Variants in ARHGEF3 observed in about 807,000 individuals in gnomAD.
ARHGEF3 encodes Rho guanine nucleotide exchange factor 3.
In ARHGEF3, 28 loss-of-function variants were observed where a neutral mutation model predicts 63.2. The ratio of observed to expected loss-of-function variants is 0.44; its 90% CI spans 0.33 to 0.61. ARHGEF3 has a LOEUF of 0.61. Among genes scored for constraint, ARHGEF3 ranks in the 20% least tolerant of loss-of-function variants. The pLI, the probability that ARHGEF3 is intolerant of heterozygous loss-of-function variation, is 0.03. For synonymous variants in ARHGEF3, 266 were observed against 254.2 expected (o/e 1.05, Z -0.44); for missense variants, 533 against 659.3 (o/e 0.81, Z 2.10).
At chr3:56,995,926 C>T (rs1373049867) in intron 2 of ARHGEF3, among the ~76,000 whole-genome samples, 3 of 152,086 alleles carry the variant, frequency 2.0e-5, no homozygotes, top group Admixed American at 2.0e-4. Flanking sequence ...TCCCATCAAC[C>T]ATTAACTCCC....
At chr3:56,851,139 C>A (rs1184972934) in intron 4 of ARHGEF3, among the ~76,000 whole-genome samples, 1 of 152,126 alleles carries the variant, frequency 6.6e-6, no homozygotes, top group Non-Finnish European at 1.5e-5. Flanking sequence ...CTCACTTCCT[C>A]TGTGCCTGCA....
intron 7 of ARHGEF3, 151 bp from the exon 8 acceptor site, chr3:56,737,506 A>AC (rs2033711232): frequency 3.4e-6 from 2 of 585,150 alleles, no homozygotes; most frequent in Admixed American, 3.1e-5. Flanking sequence ...AAAAAAAAAA[A>AC]ACATAAATAC....
chr3:57,008,301 C>T (rs1211079616), intron 2 of ARHGEF3, among the ~76,000 whole-genome samples: 2 of 152,124 alleles, frequency 1.3e-5, no homozygotes, highest in Admixed American at 6.5e-5. Context: ...ACCACGCTCA[C>T]GCTTCCTGGG....
intron 1 of ARHGEF3, among the ~76,000 whole-genome samples, chr3:57,055,231 A>G (rs1197304217): frequency 3.4e-5 from 5 of 146,160 alleles, no homozygotes; most frequent in Non-Finnish European, 7.4e-5. Flanking sequence ...GCGTGATCTC[A>G]GCTCACGGCA....
chr3:56,735,419 G>A (rs956602246), intron 8 of ARHGEF3, among the ~76,000 whole-genome samples: 1 of 151,356 alleles, frequency 6.6e-6, no homozygotes, highest in Non-Finnish European at 1.5e-5. Context: ...TCACAATGAC[G>A]TTTACAACTC....
chr3:56,750,304 A>G (rs1020830194), intron 6 of ARHGEF3, among the ~76,000 whole-genome samples: 1 of 152,182 alleles, frequency 6.6e-6, no homozygotes, highest in East Asian at 1.9e-4. Flanking sequence ...TGTCTAGCGT[A>G]AGTGAAACAA....
At chr3:57,059,911 G>A (rs1222423647) in intron 1 of ARHGEF3, among the ~76,000 whole-genome samples, 1 of 152,190 alleles carries the variant, frequency 6.6e-6, no homozygotes, top group East Asian at 1.9e-4. Flanking sequence ...CAGGAGAATC[G>A]CTTGAACCTG....
At chr3:56,958,889 C>T (rs1447544838) in exon 3 of ARHGEF3, 2 of 1,550,710 alleles carry the variant, frequency 1.3e-6, no homozygotes, top group Admixed American at 3.9e-5. Flanking sequence ...GCCGTTTAGG[C>T]CTAGAAGAGA....
chr3:56,751,251 A>G, intron 5 of ARHGEF3, 49 bp downstream of exon 5: 12 of 1,562,048 alleles, frequency 7.7e-6, no homozygotes, highest in Non-Finnish European at 1.1e-5. Context: ...TTATAAGACA[A>G]CTCAGTTAAG....
At chr3:56,814,268 A>G (rs1351249814) in intron 4 of ARHGEF3, among the ~76,000 whole-genome samples, 1 of 152,216 alleles carries the variant, frequency 6.6e-6, no homozygotes, top group East Asian at 1.9e-4. Flanking sequence ...ATAAATTTGT[A>G]AACTTTCGTA....
At chr3:56,811,647 T>C (rs994442522) in intron 4 of ARHGEF3, among the ~76,000 whole-genome samples, 20 of 152,098 alleles carry the variant, frequency 1.3e-4, no homozygotes, top group Non-Finnish European at 1.9e-4. Context: ...CTTTACTTGA[T>C]TTTTTTTCCA....
chr3:56,867,966 A>G (rs2040310682), intron 4 of ARHGEF3, among the ~76,000 whole-genome samples: 2 of 152,192 alleles, frequency 1.3e-5, no homozygotes, highest in African/African-American at 4.8e-5. Flanking sequence ...ACTCTTGATC[A>G]CATCTGCTTG....
At chr3:56,831,673 C>T (rs62249812) in intron 4 of ARHGEF3, among the ~76,000 whole-genome samples, 12,658 of 152,304 alleles carry the variant, frequency 0.083, 767 homozygotes, top group Admixed American at 0.21. Flanking sequence ...TTCCATCTGT[C>T]ATTCAGTTAT....
chr3:56,954,365 G>A (rs903635541), intron 3 of ARHGEF3, among the ~76,000 whole-genome samples: 9 of 152,136 alleles, frequency 5.9e-5, no homozygotes, highest in African/African-American at 2.2e-4. Flanking sequence ...AAGGAAGGGT[G>A]GAAATTCTGG....
At chr3:56,935,509 C>G (rs1235288954) in intron 3 of ARHGEF3, among the ~76,000 whole-genome samples, 1 of 152,192 alleles carries the variant, frequency 6.6e-6, no homozygotes, top group Admixed American at 6.5e-5. Flanking sequence ...TGGGTTCACA[C>G]TGCTTTTATG....
At chr3:56,882,409 A>C (rs2040797187) in intron 3 of ARHGEF3, 1 of 1,469,720 alleles carries the variant, frequency 6.8e-7, no homozygotes, top group South Asian at 1.2e-5. Flanking sequence ...TATGGCTTTG[A>C]TTAAGGCAAG....
At chr3:57,004,504 C>T (rs1702394894) in intron 2 of ARHGEF3, among the ~76,000 whole-genome samples, 1 of 152,208 alleles carries the variant, frequency 6.6e-6, no homozygotes, top group Non-Finnish European at 1.5e-5. Flanking sequence ...TGGCCAAGGC[C>T]AGGCACATAA....
intron 3 of ARHGEF3, among the ~76,000 whole-genome samples, chr3:56,925,827 A>G (rs551223749): frequency 6.6e-6 from 1 of 152,338 alleles, no homozygotes; most frequent in East Asian, 1.9e-4. Flanking sequence ...CCAAAGCCAC[A>G]GGACAGCCTG....
intron 2 of ARHGEF3, among the ~76,000 whole-genome samples, chr3:57,013,668 A>C (rs1273560761): frequency 2.0e-5 from 3 of 152,222 alleles, no homozygotes; most frequent in Non-Finnish European, 4.4e-5. Flanking sequence ...TAAATGCACC[A>C]ATCAGTGCTC....
Sources: gnomAD v4.1 joint callset for allele counts (sites outside exome capture counted in the v4.1 genomes callset) on GRCh38, gnomAD v4.1.1 for gene constraint, MANE v1.5 for transcripts, NCBI Gene and HGNC (gene_info 2026-07-23, HGNC 2026-07-21) for gene names.